Variants in RALY observed in about 807,000 individuals in gnomAD.
RALY encodes the protein RNA-binding protein Raly.
RALY carries 15 observed loss-of-function variants against 30.7 expected under a neutral mutation model. The observed-to-expected ratio is 0.49, with a 90% CI of 0.33 to 0.75. The LOEUF is 0.75. Among genes scored for constraint, RALY ranks in the 30% least tolerant of loss-of-function variants. The pLI, the probability that RALY is intolerant of heterozygous loss-of-function variation, is 0.02. For missense variants in RALY, 339 were observed against 414.3 expected, an observed-to-expected ratio of 0.82 and a Z score of 1.58; for synonymous variants, 177 against 170.8, an observed-to-expected ratio of 1.04 and a Z score of -0.28.
rs8123521 is a variant in RALY, at chr20:34,081,079, A to C, written c.*1174A>C. 112,846 of 152,112 alleles carry C rather than the reference A, an allele frequency of 0.74. 42,314 individuals carry two copies. The highest frequency in any genetic ancestry group is 0.85 in the South Asian group (4,085 of 4,818). 9.4% of individuals were successfully genotyped at this position (152,112 alleles called of 1,614,324 possible). ...TCATTGTGTACTGCTAATGTCACCT[A>C]CTTCCCCCTTCATTCCCCACAATGA... On this transcript the variant is annotated 3_prime_UTR_variant, in exon 10 of 10. Coordinates refer to ENST00000246194, the MANE Select transcript of RALY (RefSeq NM_016732.3).
At chr20:34,027,412 G>A (rs564544834) in intron 1 of RALY, among the ~76,000 whole-genome samples, 2 of 152,330 alleles carry the variant, frequency 1.3e-5, no homozygotes, top group African/African-American at 4.8e-5. Flanking sequence ...CCGTGTGCCT[G>A]AGGCATAGTA....
chr20:34,066,707 T>TA (rs2033583581), intron 2 of RALY, among the ~76,000 whole-genome samples: 2 of 151,182 alleles, frequency 1.3e-5, no homozygotes, highest in African/African-American at 2.4e-5. Flanking sequence ...TTTTTTTTTT[T>TA]AAAGGTATTA....
chr20:34,064,667 A>G (rs2033517924), intron 2 of RALY, among the ~76,000 whole-genome samples: 1 of 152,204 alleles, frequency 6.6e-6, no homozygotes, highest in Non-Finnish European at 1.5e-5. Context: ...TGTGATGCAC[A>G]GGGAGATGAC....
At chr20:34,063,337 G>C (rs1183379470) in intron 2 of RALY, among the ~76,000 whole-genome samples, 1 of 152,172 alleles carries the variant, frequency 6.6e-6, no homozygotes, top group African/African-American at 2.4e-5. Context: ...TCTTCCTGTG[G>C]ATGGGGGCTC....
intron 2 of RALY, among the ~76,000 whole-genome samples, chr20:34,057,851 G>A (rs371736766): frequency 1.3e-5 from 2 of 152,144 alleles, no homozygotes; most frequent in African/African-American, 2.4e-5. Flanking sequence ...CAGTATGTGG[G>A]GGAAATGTAT....
rs2034062975 is a variant in RALY at position 34,083,651 on chromosome 20, A to C, written c.*3746A>C. On this transcript the variant is annotated 3_prime_UTR_variant, in exon 10 of 10. Coordinates refer to ENST00000246194, the MANE Select transcript of RALY (RefSeq NM_016732.3). The stretch of plus-strand genomic sequence containing the variant: ...TTTCAGACTGTTTGGAAATACTGAC[A>C]TGATAGTTTGGCAGTTTCTCTTATG... 6.6e-6 allele frequency: 1 copy of C among 152,218 alleles called. No homozygotes were observed. The highest frequency in any genetic ancestry group is 1.5e-5 in the Non-Finnish European group (1 of 68,050). 9.4% of individuals were successfully genotyped at this position (152,218 alleles called of 1,614,324 possible).
chr20:34,029,638 C>T (rs373819827), intron 1 of RALY, among the ~76,000 whole-genome samples: 24 of 152,090 alleles, frequency 1.6e-4, no homozygotes, highest in African/African-American at 5.3e-4. Context: ...CTAAGTACCC[C>T]GGAGAATGGT....
chr20:34,038,541 C>T (rs2032584374), intron 2 of RALY, among the ~76,000 whole-genome samples: 1 of 152,186 alleles, frequency 6.6e-6, no homozygotes, highest in South Asian at 2.1e-4. Flanking sequence ...CACTATCCAT[C>T]CTTCCCCTCA....
rs868721339 is a variant in RALY at position 34,077,071 on chromosome 20, C to T, written c.702C>T (p.Gly234=). Residue 234 remains glycine (G), a synonymous_variant, in exon 8 of 10, where the codon GGC becomes GGT. Transcript: ENST00000246194. ...ATGGAGGTGGCGCCGGCGGCGGCGG[C>T]GGTGGTGGTGGCAGCGGTGGCGGTG... ...KGDGGGAGGG[G]GGGGSGGGGS... is the part of the protein sequence containing the mutation. 186 of 1,597,014 alleles carry T rather than the reference C, an allele frequency of 1.2e-4. No individual in the cohort carries two copies. The African/African-American group carries it at 1.4e-3, about 12-fold the overall frequency.
At chr20:34,029,311 C>T (rs573892383) in intron 1 of RALY, among the ~76,000 whole-genome samples, 2 of 152,154 alleles carry the variant, frequency 1.3e-5, no homozygotes, top group Admixed American at 1.3e-4. Context: ...GTGGCCGGCA[C>T]CTGTAATCGC....
intron 2 of RALY, among the ~76,000 whole-genome samples, chr20:34,055,873 C>G (rs1568684330): frequency 6.6e-6 from 1 of 152,192 alleles, no homozygotes; most frequent in Non-Finnish European, 1.5e-5. Flanking sequence ...ACTATTGGTG[C>G]TTCCATCACA....
At chr20:34,027,674 A>G (rs546050617) in intron 1 of RALY, among the ~76,000 whole-genome samples, 1 of 152,362 alleles carries the variant, frequency 6.6e-6, no homozygotes, top group South Asian at 2.1e-4. Flanking sequence ...ATAACCCCTT[A>G]TTCAGAGCTG....
At chr20:34,078,680 G>C (rs961588061) in intron 9 of RALY, 127 bp downstream of exon 9, 1 of 835,720 alleles carries the variant, frequency 1.2e-6, no homozygotes, top group Non-Finnish European at 1.7e-6. Context: ...CTATACCCAA[G>C]AATGAAGTCC....
At chr20:34,026,025 G>T (rs1053588423) in intron 1 of RALY, among the ~76,000 whole-genome samples, 11 of 148,936 alleles carry the variant, frequency 7.4e-5, no homozygotes, top group Non-Finnish European at 1.5e-4. Context: ...CACAAGGAAC[G>T]ATATACTCCC....
At chr20:34,010,181 A>G (rs934150828) in intron 1 of RALY, among the ~76,000 whole-genome samples, 1 of 152,166 alleles carries the variant, frequency 6.6e-6, no homozygotes, top group African/African-American at 2.4e-5. Flanking sequence ...TGTGTCATGA[A>G]GGAAACCATG....
intron 6 of RALY, 161 bp downstream of exon 6, chr20:34,076,201 A>G: frequency 1.0e-6 from 1 of 963,528 alleles, no homozygotes. Flanking sequence ...AAGAGGAAAC[A>G]GCTGATGTTT....
rs573359690 is a variant in RALY at position 34,084,879 on chromosome 20, T to A, written c.*4974T>A. On this transcript the variant is annotated 3_prime_UTR_variant, in exon 10 of 10. Transcript: ENST00000246194. ...GAGATAATAAAACGTTGTTTGAAGA[T>A]GCTAACTTTTGGAGTGATTTGTTGT... 1 of 152,410 alleles carries A rather than the reference T, an allele frequency of 6.6e-6. No individual in the cohort carries two copies. The highest frequency in any genetic ancestry group is 2.1e-4 in the South Asian group (1 of 4,834). The allele number at this position is 152,410 out of a possible 1,614,324, so 9.4% of individuals were successfully genotyped here.
chr20:34,074,002 G>C, intron 5 of RALY, 136 bp downstream of exon 5: 1 of 925,228 alleles, frequency 1.1e-6, no homozygotes, highest in Non-Finnish European at 1.6e-6. Flanking sequence ...TCCACCAGTC[G>C]GTAGCAGAGC....
rs563346593 is a variant in RALY, at chr20:34,071,294, T to TC, written c.-9-771dup. On this transcript the variant is annotated intron_variant, in intron 2 of 9. Coordinates refer to ENST00000246194, the MANE Select transcript of RALY (RefSeq NM_016732.3). The stretch of plus-strand genomic sequence containing the variant: ...CAGACTAAGCAGTTTTCTTTTCTTT[T>TC]CTTTTTTTTTTTTAGACAGAGTCTG... 9.2e-5 allele frequency among the ~76,000 whole-genome samples: 14 copies of TC among 151,822 alleles called. No individual in the cohort carries two copies. In the East Asian group the frequency reaches 2.7e-3, roughly 29 times the overall value.
Sources: allele counts gnomAD v4.1 joint callset (sites outside exome capture counted in the v4.1 genomes callset), GRCh38; gene constraint gnomAD v4.1.1; transcripts MANE v1.5; gene names NCBI Gene and HGNC (gene_info 2026-07-23, HGNC 2026-07-21).